Variants in FLRT2 observed in about 807,000 individuals in gnomAD.
FLRT2 encodes the protein fibronectin leucine rich transmembrane protein 2, also known as leucine-rich repeat transmembrane protein FLRT2.
In FLRT2, 15 loss-of-function variants were observed where a neutral mutation model predicts 40.0. That is an observed-to-expected ratio of 0.38 (90% CI 0.25 to 0.58). The LOEUF is 0.58. Ranked by LOEUF, FLRT2 falls within the 20% of genes least tolerant of loss-of-function variation. The pLI is 0.71. For missense variants in FLRT2, 726 were observed against 840.0 expected (o/e 0.86, Z 1.68); for synonymous variants, 380 against 336.8 (o/e 1.13, Z -1.41).
intron 1 of FLRT2, among the ~76,000 whole-genome samples, chr14:85,564,587 T>G (rs538081947): frequency 1.3e-5 from 2 of 152,278 alleles, no homozygotes; most frequent in African/African-American, 4.8e-5. Context: ...AGTTTTCTGG[T>G]GGGTTATGAG....
At chr14:85,594,624 T>C (rs1381019387) in intron 1 of FLRT2, among the ~76,000 whole-genome samples, 8 of 152,224 alleles carry the variant, frequency 5.3e-5, no homozygotes, top group Non-Finnish European at 2.9e-5. Context: ...TTAATCTCAC[T>C]CATTTGCAGT....
intron 1 of FLRT2, among the ~76,000 whole-genome samples, chr14:85,616,467 C>A (rs1225999647): frequency 6.6e-6 from 1 of 152,188 alleles, no homozygotes; most frequent in Non-Finnish European, 1.5e-5. Flanking sequence ...AGCACGACTA[C>A]CTCAGTGAGA....
intron 1 of FLRT2, among the ~76,000 whole-genome samples, chr14:85,568,049 A>G (rs183409185): frequency 1.3e-5 from 2 of 152,138 alleles, no homozygotes; most frequent in Non-Finnish European, 2.9e-5. Flanking sequence ...GAGTACCACA[A>G]GAAAGAGGCC....
rs1288638345 is a variant in FLRT2, at chr14:85,643,324, T to G, written c.*19827T>G. The G allele has an allele frequency of 8.9e-6, 1 of 112,576 alleles. No individual in the cohort carries two copies. Among genetic ancestry groups the G allele is most frequent in the Non-Finnish European group, 1.8e-5 (1 of 56,702 alleles). 7.0% of individuals were successfully genotyped at this position (112,576 alleles called of 1,614,324 possible). On this transcript the variant is annotated 3_prime_UTR_variant, in exon 2 of 2. Transcript: ENST00000330753. ...CTTTCTTTCTTTCTTTCTTTCTTTC[T>G]TTCTTTCTTTCTTTCTTTCTTTCTT...
intron 1 of FLRT2, among the ~76,000 whole-genome samples, chr14:85,573,500 C>T (rs548028255): frequency 9.2e-5 from 14 of 152,276 alleles, no homozygotes; most frequent in Middle Eastern, 3.4e-3. Context: ...TTTCTTTATG[C>T]TCCACCATGA....
At chr14:85,580,939 G>A (rs545825587) in intron 1 of FLRT2, among the ~76,000 whole-genome samples, 3 of 152,182 alleles carry the variant, frequency 2.0e-5, no homozygotes, top group Admixed American at 2.0e-4. Context: ...AAATAGTGGC[G>A]TTCTGGCTAA....
At chr14:85,578,947 A>G in intron 1 of FLRT2, among the ~76,000 whole-genome samples, 1 of 152,048 alleles carries the variant, frequency 6.6e-6, no homozygotes, top group South Asian at 2.1e-4. Context: ...CAGCAGAAAC[A>G]CATCTCTCCC....
intron 1 of FLRT2, among the ~76,000 whole-genome samples, chr14:85,598,833 A>G (rs1892252468): frequency 6.6e-6 from 1 of 152,132 alleles, no homozygotes; most frequent in Non-Finnish European, 1.5e-5. Context: ...TCTCTTTAAA[A>G]AGCTGTGTTG....
At chr14:85,541,983 A>T (rs1352921344) in intron 1 of FLRT2, among the ~76,000 whole-genome samples, 1 of 152,130 alleles carries the variant, frequency 6.6e-6, no homozygotes, top group Non-Finnish European at 1.5e-5. Flanking sequence ...TTCCTCACAC[A>T]ATTCACTTTA....
chr14:85,597,522 G>A (rs1892192933), intron 1 of FLRT2, among the ~76,000 whole-genome samples: 1 of 152,116 alleles, frequency 6.6e-6, no homozygotes, highest in South Asian at 2.1e-4. Flanking sequence ...TTGATTAGAA[G>A]CTTGATACTG....
At chr14:85,613,704 C>T (rs773041957) in intron 1 of FLRT2, among the ~76,000 whole-genome samples, 2 of 152,148 alleles carry the variant, frequency 1.3e-5, no homozygotes, top group Non-Finnish European at 2.9e-5. Flanking sequence ...GGGGAAATAA[C>T]GGTGAGCGAA....
intron 1 of FLRT2, among the ~76,000 whole-genome samples, chr14:85,577,691 G>T (rs1049862078): frequency 6.6e-6 from 1 of 151,908 alleles, no homozygotes; most frequent in African/African-American, 2.4e-5. Context: ...GGCACAAGTG[G>T]TCCTCCTGCC....
intron 1 of FLRT2, among the ~76,000 whole-genome samples, chr14:85,572,118 T>A (rs1459783889): frequency 6.6e-6 from 1 of 152,226 alleles, no homozygotes; most frequent in Non-Finnish European, 1.5e-5. Context: ...ATGTACTTTA[T>A]ATCTTGAAGT....
At chr14:85,558,570 G>C (rs1785675540) in intron 1 of FLRT2, among the ~76,000 whole-genome samples, 1 of 152,170 alleles carries the variant, frequency 6.6e-6, no homozygotes. Context: ...CAAAGGAGGA[G>C]TCTCTTTCGG....
chr14:85,621,789 C>T lies in FLRT2; in HGVS notation c.275C>T (p.Thr92Met), dbSNP rs772274794. Residue 92 changes from threonine (T) to methionine (M), a missense_variant, in exon 2 of 2, where the codon ACG becomes ATG. Transcript: ENST00000330753. ...CTGCACAATGTACAGTCGGTGCACA[C>T]GGTCTACCTGTATGGCAACCAACTG... ...AELHNVQSVHTVYLYGNQLDE... is the reference protein window; with the variant it reads ...AELHNVQSVHMVYLYGNQLDE... The T allele has an allele frequency of 7.2e-5, 117 of 1,614,084 alleles. No homozygotes were observed. The highest frequency in any genetic ancestry group is 2.7e-4 in the East Asian group (12 of 44,880).
In FLRT2 at chr14:85,630,049, A is replaced by G. The variant is rs1291463791; in HGVS notation, c.*6552A>G. 1 of 152,146 alleles carries G rather than the reference A, an allele frequency of 6.6e-6. No homozygotes were observed. The highest frequency in any genetic ancestry group is 6.5e-5 in the Admixed American group (1 of 15,270). 9.4% of individuals were successfully genotyped at this position (152,146 alleles called of 1,614,324 possible). A position where few individuals can be genotyped will look rare whatever the true frequency, so the allele number is the denominator to read the frequency against. ...AGATGTTGCTCTAAGTATTTTGTAG[A>G]TTCCGCTGAAAAAGCACGTATGTCA... On this transcript the variant is annotated 3_prime_UTR_variant, in exon 2 of 2. Coordinates refer to ENST00000330753, the MANE Select transcript of FLRT2 (RefSeq NM_013231.6).
At chr14:85,593,157 CA>C (rs1262635532) in intron 1 of FLRT2, among the ~76,000 whole-genome samples, 1 of 152,106 alleles carries the variant, frequency 6.6e-6, no homozygotes, top group Non-Finnish European at 1.5e-5. Flanking sequence ...AGGTTAACTA[CA>C]AAAGAGAAAA....
Position 85,653,154 on chromosome 14 carries a change from A to C in FLRT2, c.*29657A>C, listed in dbSNP as rs1481387856. ...ACACCTTTTCTTTTTAAACATTTTCAATTTGTGATCTGCTTGAGGACTTGT... is the reference window on the plus strand; with the variant it reads ...ACACCTTTTCTTTTTAAACATTTTCCATTTGTGATCTGCTTGAGGACTTGT... On this transcript the variant is annotated 3_prime_UTR_variant, in exon 2 of 2. Coordinates refer to ENST00000330753, the MANE Select transcript of FLRT2 (RefSeq NM_013231.6). 1 of 152,172 alleles carries C rather than the reference A, an allele frequency of 6.6e-6. No individual in the cohort carries two copies. Among genetic ancestry groups the C allele is most frequent in the Non-Finnish European group, 1.5e-5 (1 of 68,040 alleles). The allele number at this position is 152,172 out of a possible 1,614,324, so 9.4% of individuals were successfully genotyped here. A position where few individuals can be genotyped will look rare whatever the true frequency, so the allele number is the denominator to read the frequency against.
At chr14:85,544,647 A>G (rs575768432) in intron 1 of FLRT2, among the ~76,000 whole-genome samples, 1 of 152,282 alleles carries the variant, frequency 6.6e-6, no homozygotes, top group African/African-American at 2.4e-5. Context: ...AGTCTTCATG[A>G]TTTGCACATT....
Sources: allele counts gnomAD v4.1 joint callset (sites outside exome capture counted in the v4.1 genomes callset), GRCh38; gene constraint gnomAD v4.1.1; transcripts MANE v1.5; gene names NCBI Gene and HGNC (gene_info 2026-07-23, HGNC 2026-07-21).